Variants in ABCA13 observed in about 807,000 individuals in gnomAD.
ABCA13 encodes the protein ATP binding cassette subfamily A member 13, also known as ATP-binding cassette sub-family A member 13.
A neutral mutation model predicts 478.7 loss-of-function variants in ABCA13; 476 were observed. The observed-to-expected ratio is 0.99, with a 90% confidence interval of 0.92 to 1.07. ABCA13 has a LOEUF of 1.07. Among genes scored for constraint, ABCA13 ranks in the 50% least tolerant of loss-of-function variants. ABCA13 has a pLI of 0.00. For missense variants in ABCA13, 6,060 were observed against 5,910.6 expected, an observed-to-expected ratio of 1.03 and a Z score of -0.83; for synonymous variants, 2,252 against 2,158.9, an observed-to-expected ratio of 1.04 and a Z score of -1.20.
At chr7:48,304,626 G>A (rs1800634711) in intron 23 of ABCA13, among the ~76,000 whole-genome samples, 1 of 152,100 alleles carries the variant, frequency 6.6e-6, no homozygotes, top group Non-Finnish European at 1.5e-5. Context: ...CAGATGGGGA[G>A]GATGAGAGGG....
intron 53 of ABCA13, among the ~76,000 whole-genome samples, chr7:48,523,719 A>G (rs898618729): frequency 1.3e-5 from 2 of 152,158 alleles, no homozygotes; most frequent in South Asian, 4.1e-4. Context: ...AGAAAATAAG[A>G]GTTGAAAATT....
intron 1 of ABCA13, among the ~76,000 whole-genome samples, chr7:48,182,124 C>T (rs769301592): frequency 1.3e-5 from 2 of 152,092 alleles, no homozygotes; most frequent in Non-Finnish European, 2.9e-5. Context: ...GCACAACGTC[C>T]TAAGTCACTA....
chr7:48,494,804 T>C (rs183201297), intron 48 of ABCA13, among the ~76,000 whole-genome samples: 1 of 152,290 alleles, frequency 6.6e-6, no homozygotes, highest in Non-Finnish European at 1.5e-5. Context: ...AAGATGAAGA[T>C]AGAAATATGA....
chr7:48,575,866 G>A (rs1472016909), intron 55 of ABCA13, among the ~76,000 whole-genome samples: 1 of 152,006 alleles, frequency 6.6e-6, no homozygotes, highest in East Asian at 1.9e-4. Context: ...TGCTACCCCA[G>A]TACTAGAGAG....
In ABCA13 at chr7:48,272,357, TATA is replaced by T; in HGVS notation, c.2696_2698del (p.Ile899del). ...TAGATTTTGTACGTTTAAGTGAGGC[TATA>T]ATAACTAGTCTCCATGAATTTGGAT... On this transcript the variant is annotated inframe_deletion, in exon 17 of 62. Coordinates refer to ENST00000435803, the MANE Select transcript of ABCA13 (RefSeq NM_152701.5). 3.1e-6 allele frequency: 5 copies of T among 1,613,816 alleles called. No homozygotes were observed. The highest frequency in any genetic ancestry group is 4.2e-6 in the Non-Finnish European group (5 of 1,179,758).
At chr7:48,502,882 A>G (rs902872859) in intron 48 of ABCA13, among the ~76,000 whole-genome samples, 3 of 152,124 alleles carry the variant, frequency 2.0e-5, no homozygotes. Flanking sequence ...CTCTGCTCAC[A>G]AGTTTGAAAG....
At chr7:48,506,263 T>A (rs1265059805) in intron 48 of ABCA13, 73 bp from the exon 49 acceptor site, 2 of 1,497,300 alleles carry the variant, frequency 1.3e-6, no homozygotes, top group East Asian at 4.5e-5. Flanking sequence ...GGAATCTGCG[T>A]AGCCTGTAGA....
At chr7:48,302,349 A>G (rs776059173) in intron 23 of ABCA13, among the ~76,000 whole-genome samples, 8 of 152,224 alleles carry the variant, frequency 5.3e-5, no homozygotes, top group Admixed American at 2.6e-4. Context: ...TTTAAAAATT[A>G]AACTTTTATT....
intron 55 of ABCA13, among the ~76,000 whole-genome samples, chr7:48,550,151 A>G (rs1367573379): frequency 6.6e-6 from 1 of 151,922 alleles, no homozygotes; most frequent in East Asian, 1.9e-4. Context: ...GATGAAGCAT[A>G]GCTAACATTT....
intron 7 of ABCA13, 98 bp downstream of exon 7, chr7:48,230,053 T>A: frequency 7.5e-7 from 1 of 1,334,774 alleles, no homozygotes; most frequent in Non-Finnish European, 9.9e-7. Context: ...CAAAATGATT[T>A]AATTAAAATT....
At chr7:48,618,968 G>T (rs1243067301) in intron 59 of ABCA13, among the ~76,000 whole-genome samples, 3 of 152,192 alleles carry the variant, frequency 2.0e-5, no homozygotes, top group African/African-American at 7.2e-5. Flanking sequence ...AAGATAATAG[G>T]CATGGTTAAT....
chr7:48,293,608 C>A (rs910816066), intron 20 of ABCA13, among the ~76,000 whole-genome samples: 10 of 152,068 alleles, frequency 6.6e-5, no homozygotes, highest in Non-Finnish European at 1.0e-4. Flanking sequence ...TGTATAGATT[C>A]ATGTGTATGT....
intron 1 of ABCA13, among the ~76,000 whole-genome samples, chr7:48,192,565 A>G (rs893566039): frequency 6.6e-6 from 1 of 152,232 alleles, no homozygotes; most frequent in Non-Finnish European, 1.5e-5. Context: ...GGATGCTACC[A>G]CCAAAGCCAG....
At chr7:48,179,856 T>C (rs1167991731) in intron 1 of ABCA13, among the ~76,000 whole-genome samples, 1 of 152,212 alleles carries the variant, frequency 6.6e-6, no homozygotes, top group East Asian at 1.9e-4. Context: ...GCTCTTTCTC[T>C]CTGCCAACAA....
intron 10 of ABCA13, among the ~76,000 whole-genome samples, chr7:48,242,780 C>G (rs1178564340): frequency 2.0e-5 from 3 of 152,184 alleles, no homozygotes; most frequent in Non-Finnish European, 2.9e-5. Context: ...TCACATGCAC[C>G]CTTAGCAGAA....
chr7:48,546,153 A>T (rs921527895), intron 55 of ABCA13, among the ~76,000 whole-genome samples: 2 of 151,900 alleles, frequency 1.3e-5, no homozygotes, highest in African/African-American at 4.8e-5. Flanking sequence ...TCTGTTCACA[A>T]TAATAGCCAC....
intron 42 of ABCA13, among the ~76,000 whole-genome samples, chr7:48,442,182 T>A (rs965383173): frequency 3.9e-5 from 6 of 152,216 alleles, no homozygotes; most frequent in Admixed American, 3.9e-4. Context: ...AACTCTCACG[T>A]TGCCCATGTG....
intron 58 of ABCA13, 99 bp from the exon 59 acceptor site, chr7:48,615,186 C>A (rs1055766796): frequency 3.0e-6 from 2 of 673,186 alleles, no homozygotes; most frequent in South Asian, 6.3e-5. Context: ...AAGTAATTTG[C>A]CCTAATGGTA....
At chr7:48,223,268 G>T (rs1187985030) in intron 5 of ABCA13, among the ~76,000 whole-genome samples, 1 of 152,124 alleles carries the variant, frequency 6.6e-6, no homozygotes, top group African/African-American at 2.4e-5. Flanking sequence ...TGCCAAGGAG[G>T]TTGTGGGAGT....
Sources: allele counts gnomAD v4.1 joint callset (sites outside exome capture counted in the v4.1 genomes callset), GRCh38; gene constraint gnomAD v4.1.1; transcripts MANE v1.5; gene names NCBI Gene and HGNC (gene_info 2026-07-23, HGNC 2026-07-21).